RHCG: variants seen among roughly 807,000 people sequenced by gnomAD.
RHCG encodes the protein ammonium transporter Rh type C.
Under a neutral mutation model 55.3 loss-of-function variants are expected in RHCG, and 39 were observed. That is an observed-to-expected ratio of 0.70 (90% CI 0.55 to 0.92). The LOEUF (loss-of-function observed/expected upper bound fraction) is 0.92. Ranked by LOEUF, RHCG falls within the 40% of genes least tolerant of loss-of-function variation. The pLI is 0.00. For missense variants in RHCG, 635 were observed against 627.9 expected (o/e 1.01, Z -0.12); for synonymous variants, 250 against 246.8 (o/e 1.01, Z -0.12).
In RHCG at chr15:89,477,885, G is replaced by A. The variant is rs142321494; in HGVS notation, c.927C>T (p.Ile309=). The A allele has an allele frequency of 9.9e-6, 16 of 1,614,104 alleles. No homozygotes were observed. The highest frequency in any genetic ancestry group is 3.3e-5 in the Admixed American group (2 of 60,028). The change falls in exon 6 of 11, where the codon ATC becomes ATT. Residue 309 remains isoleucine (I), a synonymous_variant. Coordinates refer to ENST00000268122, the MANE Select transcript of RHCG (RefSeq NM_016321.3). The surrounding 1 kb of genome is among the most constrained non-coding windows in gnomAD (Gnocchi z 4.5). The part of the protein sequence containing the change: ...MMLMPYGALI[I]GFVCGIISTL... Reference sequence around the variant, plus strand: ...TGGAGATGATGCCGCAGACGAAGCCGATGATGAGGGCACCGTAAGGCATGA... The same window carrying A: ...TGGAGATGATGCCGCAGACGAAGCCAATGATGAGGGCACCGTAAGGCATGA...
intron 9 of RHCG, among the ~76,000 whole-genome samples, chr15:89,476,165 C>G (rs1299969779): frequency 6.6e-6 from 1 of 152,148 alleles, no homozygotes; most frequent in Non-Finnish European, 1.5e-5. Flanking sequence ...CTCCTGGGCT[C>G]AAGCGATCCT....
At chr15:89,487,500 G>A (rs28754418) in intron 1 of RHCG, among the ~76,000 whole-genome samples, 51,703 of 152,036 alleles carry the variant, frequency 0.34, 8,996 homozygotes, top group Admixed American at 0.4. Context: ...TTCCTTTGCT[G>A]TGGAGAATCA....
At chr15:89,482,871 T>C (rs981358393) in intron 3 of RHCG, among the ~76,000 whole-genome samples, 196 bp downstream of exon 3, 1 of 152,144 alleles carries the variant, frequency 6.6e-6, no homozygotes, top group African/African-American at 2.4e-5. Context: ...ACGTGCTGGA[T>C]TGATGGGCTA....
Position 89,477,220 on chromosome 15 carries a change from AG to A in RHCG, c.1113-15del, listed in dbSNP as rs1470705541. The A allele has an allele frequency of 3.1e-6, 5 of 1,613,838 alleles. No individual in the cohort carries two copies. The highest frequency in any genetic ancestry group is 3.4e-6 in the Non-Finnish European group (4 of 1,179,892). On this transcript the variant is annotated splice_polypyrimidine_tract_variant and intron_variant, in intron 7 of 10. Coordinates refer to ENST00000268122, the MANE Select transcript of RHCG (RefSeq NM_016321.3). The surrounding 1 kb of genome is among the most constrained non-coding windows in gnomAD (Gnocchi z 4.5). ...GAATGGACAAGCCTGGGGTGGAGAC[AG>A]GGGGCAGGTCAGGGCCCCATGGAGA...
At chr15:89,495,094 C>A (rs901755206) in intron 1 of RHCG, among the ~76,000 whole-genome samples, 1 of 152,158 alleles carries the variant, frequency 6.6e-6, no homozygotes, top group South Asian at 2.1e-4. Flanking sequence ...TAAATGGAGC[C>A]CAGGAGAAAC....
intron 5 of RHCG, 53 bp from the exon 6 acceptor site, chr15:89,478,027 G>A (rs576043035): frequency 2.8e-4 from 433 of 1,548,406 alleles, no homozygotes; most frequent in South Asian, 2.3e-4. Context: ...CTGGAGCACC[G>A]GGCCTGGAGG....
At chr15:89,487,129 C>T in intron 1 of RHCG, 144 bp from the exon 2 acceptor site, 1 of 641,258 alleles carries the variant, frequency 1.6e-6, no homozygotes, top group Non-Finnish European at 2.5e-6. Context: ...ACCCGGTTCC[C>T]CCACCCCCAC....
At chr15:89,478,706 C>T (rs947606086) in intron 5 of RHCG, among the ~76,000 whole-genome samples, 1 of 152,162 alleles carries the variant, frequency 6.6e-6, no homozygotes, top group Non-Finnish European at 1.5e-5. Flanking sequence ...CCTGAATCCC[C>T]ACCTCTCTGC....
At position 89,479,458 on chromosome 15, in the gene RHCG, C is replaced by T; in HGVS notation, c.701G>A (p.Ser234Asn). 1 of 1,613,654 alleles carries T rather than the reference C, an allele frequency of 6.2e-7. No individual in the cohort carries two copies. Among genetic ancestry groups the T allele is most frequent in the South Asian group, 1.1e-5 (1 of 90,952 alleles). The change falls in exon 5 of 11, where the codon AGC (serine) becomes AAC (asparagine). Residue 234 changes from serine to asparagine, a missense_variant. By Grantham distance (46) the Ser-to-Asn change is conservative. Coordinates refer to ENST00000268122, the MANE Select transcript of RHCG (RefSeq NM_016321.3). The stretch of plus-strand genomic sequence containing the variant: ...ATGGTAGGATATGGCTGAGTTGAAG[C>T]TGGGCCAGTACATCCACAGGAAGAG... The part of the protein sequence containing the change: ...GTLFLWMYWP[S>N]FNSAISYHGD...
chr15:89,490,785 G>C (rs1961460426), intron 1 of RHCG, among the ~76,000 whole-genome samples: 1 of 152,016 alleles, frequency 6.6e-6, no homozygotes. Context: ...GATGACCAGG[G>C]GGGTGAGGGC....
At chr15:89,485,307 C>G (rs1190359422) in intron 2 of RHCG, among the ~76,000 whole-genome samples, 1 of 152,128 alleles carries the variant, frequency 6.6e-6, no homozygotes, top group Non-Finnish European at 1.5e-5. Flanking sequence ...ATGATAATTT[C>G]TTGTGCATTT....
At chr15:89,486,440 G>A in intron 2 of RHCG, 3 of 460,840 alleles carry the variant, frequency 6.5e-6, no homozygotes, top group South Asian at 4.6e-5. Context: ...CCAGAGGAAA[G>A]TCTAGCCTCA....
intron 1 of RHCG, among the ~76,000 whole-genome samples, 154 bp downstream of exon 1, chr15:89,496,207 A>G (rs1961562776): frequency 6.6e-6 from 1 of 152,142 alleles, no homozygotes; most frequent in African/African-American, 2.4e-5. Context: ...CACATCTGAC[A>G]ATTTCCCACG....
chr15:89,478,537 C>A lies in RHCG; in HGVS notation c.838-563G>T, dbSNP rs148571181. ...AGGTGAGGGGGGTTAAATGACTTGTCCAAGACCACAGAGCTAGCAAGAGGC... is the reference window on the plus strand; with the variant it reads ...AGGTGAGGGGGGTTAAATGACTTGTACAAGACCACAGAGCTAGCAAGAGGC... On this transcript the variant is annotated intron_variant, in intron 5 of 10. Coordinates refer to ENST00000268122, the MANE Select transcript of RHCG (RefSeq NM_016321.3). Among the ~76,000 whole-genome samples the A allele has an allele frequency of 7.8e-3, 1,181 of 152,246 alleles. 27 individuals are homozygous for A. The highest frequency in any genetic ancestry group is 9.7e-3 in the Non-Finnish European group (659 of 68,012).
chr15:89,493,309 G>A (rs1451165664), intron 1 of RHCG, among the ~76,000 whole-genome samples: 2 of 152,162 alleles, frequency 1.3e-5, no homozygotes, highest in African/African-American at 2.4e-5. Flanking sequence ...CCAGACCCTG[G>A]AGCACCAGCC....
At chr15:89,476,005 T>TGCTCTC (rs1491167185) in intron 9 of RHCG, among the ~76,000 whole-genome samples, 6 of 131,922 alleles carry the variant, frequency 4.5e-5, no homozygotes, top group Admixed American at 1.4e-4. Flanking sequence ...CTCTCTCTCT[T>TGCTCTC]GCTCTCGCTC....
At chr15:89,472,290 C>A (rs575382149) in intron 10 of RHCG, among the ~76,000 whole-genome samples, 86 of 152,152 alleles carry the variant, frequency 5.7e-4, no homozygotes, top group Non-Finnish European at 1.0e-3. Flanking sequence ...TGTTAGTTGA[C>A]GGAAAGAAAG....
At chr15:89,480,129 C>T (rs1418252199) in intron 4 of RHCG, 132 bp downstream of exon 4, 1 of 1,220,706 alleles carries the variant, frequency 8.2e-7, no homozygotes, top group Non-Finnish European at 1.2e-6. Context: ...ATGCACCATA[C>T]CACGTGGGGA....
At position 89,485,310 on chromosome 15, in the gene RHCG, G is replaced by A. The variant is rs144819954; in HGVS notation, c.371+1489C>T. Among the ~76,000 whole-genome samples the A allele has an allele frequency of 5.9e-5, 9 of 152,286 alleles. No individual in the cohort carries two copies. In the East Asian group the frequency reaches 1.7e-3, roughly 29 times the overall value. The stretch of plus-strand genomic sequence containing the variant: ...ATGGTTTTGGGAATGATAATTTCTT[G>A]TGCATTTTGAACTTCGGGGTGATAT... On this transcript the variant is annotated intron_variant, in intron 2 of 10. Transcript: ENST00000268122.
Sources: gnomAD v4.1 joint callset for allele counts (sites outside exome capture counted in the v4.1 genomes callset) on GRCh38, gnomAD v4.1.1 for gene constraint, Gnocchi (gnomAD v3.1) non-coding constraint, MANE v1.5 for transcripts, NCBI Gene and HGNC (gene_info 2026-07-23, HGNC 2026-07-21) for gene names.